The following EEF1AKMT1 variants were observed in gnomAD, a reference collection of about 807,000 sequenced individuals.
The protein encoded by EEF1AKMT1 is N-6 adenine-specific DNA methyltransferase 2 (putative).
EEF1AKMT1 carries 18 observed loss-of-function variants against 21.0 expected under a neutral mutation model. The observed-to-expected ratio is 0.86, with a 90% CI of 0.59 to 1.27. The LOEUF (loss-of-function observed/expected upper bound fraction) is 1.27, where lower values mean the gene tolerates loss of function less well. Ranked by LOEUF, EEF1AKMT1 falls within the 50% of genes most tolerant of loss-of-function variation. EEF1AKMT1 has a pLI of 0.00. For synonymous variants in EEF1AKMT1, 109 were observed against 94.8 expected, an observed-to-expected ratio of 1.15 and a Z score of -0.87; for missense variants, 246 against 258.6, an observed-to-expected ratio of 0.95 and a Z score of 0.33.
At chr13:20,733,075 T>C (rs1248357843) in intron 3 of EEF1AKMT1, among the ~76,000 whole-genome samples, 1 of 151,268 alleles carries the variant, frequency 6.6e-6, no homozygotes, top group Non-Finnish European at 1.5e-5. Flanking sequence ...TACGGAATTA[T>C]TGAGTTGACT....
chr13:20,752,151 C>T (rs1183405588), intron 2 of EEF1AKMT1, among the ~76,000 whole-genome samples: 2 of 151,694 alleles, frequency 1.3e-5, no homozygotes, highest in Non-Finnish European at 2.9e-5. Context: ...TTTTTGTTGC[C>T]CGATTGTCCT....
rs552224904 is a variant in EEF1AKMT1 at position 20,738,998 on chromosome 13, G to A, written c.145-1193C>T. Reference sequence around the variant, plus strand: ...CACGATGAGTGTGACAGTTCTTAAAGATAGTGTGCCCAGAGTTCCTTCCTT... The same window carrying A: ...CACGATGAGTGTGACAGTTCTTAAAAATAGTGTGCCCAGAGTTCCTTCCTT... On this transcript the variant is annotated intron_variant, in intron 2 of 4. Transcript: ENST00000382758. Among the ~76,000 whole-genome samples the A allele has an allele frequency of 8.1e-4, 124 of 152,326 alleles. 1 individual carries two copies. The highest frequency in any genetic ancestry group is 2.9e-3 in the African/African-American group (120 of 41,576).
At chr13:20,744,368 C>A (rs909629387) in intron 2 of EEF1AKMT1, among the ~76,000 whole-genome samples, 2 of 152,158 alleles carry the variant, frequency 1.3e-5, no homozygotes, top group Non-Finnish European at 2.9e-5. Context: ...TTTTAATAAT[C>A]ACCATTCTAA....
Position 20,729,124 on chromosome 13 carries a change from G to A in EEF1AKMT1, c.601C>T (p.Arg201Cys), listed in dbSNP as rs368022750. The stretch of plus-strand genomic sequence containing the variant: ...CCAGAATCATAATTCACATAACAGC[G>A]AAACTCATTTGCCAAGTTCCGGGTG... ...RHTRNLANEF[R>C]CYVNYDSGLD... The change falls in exon 5 of 5, where the codon CGC (arginine) becomes TGC (cysteine). Residue 201 changes from arginine (R) to cysteine (C), a missense_variant. By Grantham distance (180) the Arg-to-Cys change is radical. Transcript: ENST00000382758. The A allele has an allele frequency of 6.3e-5, 102 of 1,614,024 alleles. No individual in the cohort carries two copies. The highest frequency in any genetic ancestry group is 1.2e-4 in the Admixed American group (7 of 59,998).
intron 1 of EEF1AKMT1, among the ~76,000 whole-genome samples, chr13:20,769,780 A>G (rs1360481809): frequency 2.0e-5 from 3 of 152,142 alleles, no homozygotes; most frequent in Admixed American, 6.5e-5. Context: ...AGGAAAGTAC[A>G]GCCCATTCAA....
intron 1 of EEF1AKMT1, among the ~76,000 whole-genome samples, chr13:20,758,571 T>C (rs1005835811): frequency 6.6e-6 from 1 of 152,068 alleles, no homozygotes; most frequent in Non-Finnish European, 1.5e-5. Flanking sequence ...GAAAAACAGA[T>C]GGTCGACATA....
At chr13:20,752,155 T>C (rs895975637) in intron 2 of EEF1AKMT1, among the ~76,000 whole-genome samples, 3 of 152,184 alleles carry the variant, frequency 2.0e-5, no homozygotes, top group African/African-American at 7.2e-5. Context: ...TGTTGCCCGA[T>C]TGTCCTAGTT....
Position 20,728,789 on chromosome 13 carries a change from C to T in EEF1AKMT1, c.*291G>A. 1 of 397,762 alleles carries T rather than the reference C, an allele frequency of 2.5e-6. No individual in the cohort carries two copies. The highest frequency in any genetic ancestry group is 4.7e-6 in the Non-Finnish European group (1 of 213,784). The allele number at this position is 397,762 out of a possible 1,614,324, so 24.6% of individuals were successfully genotyped here. A position where few individuals can be genotyped will look rare whatever the true frequency, so the allele number is the denominator to read the frequency against. Reference sequence around the variant, plus strand: ...CATTCAGGAGCCCTTGGGCAAGCCACACAACTGTTCTTCTGTTTTTACACA... The same window carrying T: ...CATTCAGGAGCCCTTGGGCAAGCCATACAACTGTTCTTCTGTTTTTACACA... On this transcript the variant is annotated 3_prime_UTR_variant, in exon 5 of 5. Coordinates refer to ENST00000382758, the MANE Select transcript of EEF1AKMT1 (RefSeq NM_001318939.2).
intron 1 of EEF1AKMT1, among the ~76,000 whole-genome samples, chr13:20,759,317 C>T (rs1170529974): frequency 2.0e-5 from 3 of 152,178 alleles, no homozygotes; most frequent in East Asian, 3.8e-4. Flanking sequence ...CCGTGGCTCA[C>T]GCCTGTAATC....
At chr13:20,752,332 T>A (rs959213653) in intron 2 of EEF1AKMT1, among the ~76,000 whole-genome samples, 3 of 152,122 alleles carry the variant, frequency 2.0e-5, no homozygotes, top group Admixed American at 2.0e-4. Flanking sequence ...TTATGCCTAG[T>A]TTGTTGAGAG....
chr13:20,762,085 C>T (rs976853430), intron 1 of EEF1AKMT1, among the ~76,000 whole-genome samples: 6 of 151,732 alleles, frequency 4.0e-5, no homozygotes, highest in South Asian at 2.1e-4. Context: ...GGTAACAGAA[C>T]GAGAACCTTT....
intron 2 of EEF1AKMT1, among the ~76,000 whole-genome samples, chr13:20,748,735 T>G (rs1362545637): frequency 9.7e-5 from 13 of 134,192 alleles, no homozygotes; most frequent in Non-Finnish European, 1.8e-4. Flanking sequence ...GGTTTTTTTT[T>G]TTTTTTTTTT....
chr13:20,730,811 A>C (rs1257471658), intron 4 of EEF1AKMT1, among the ~76,000 whole-genome samples: 2 of 152,196 alleles, frequency 1.3e-5, no homozygotes, highest in Non-Finnish European at 2.9e-5. Flanking sequence ...CGAGGGAATA[A>C]AAGCTGGCCA....
At chr13:20,731,425 C>T (rs2058794999) in intron 4 of EEF1AKMT1, among the ~76,000 whole-genome samples, 2 of 152,184 alleles carry the variant, frequency 1.3e-5, no homozygotes, top group African/African-American at 2.4e-5. Flanking sequence ...AAAAGTATAA[C>T]GATCTCGCCA....
intron 1 of EEF1AKMT1, among the ~76,000 whole-genome samples, chr13:20,761,142 A>G (rs1463830791): frequency 6.6e-6 from 1 of 152,234 alleles, no homozygotes; most frequent in African/African-American, 2.4e-5. Context: ...ATATAATGAT[A>G]TCACGTGTAG....
At chr13:20,729,254 A>G (rs1595008178) in intron 4 of EEF1AKMT1, 38 bp from the exon 5 acceptor site, 1 of 1,612,558 alleles carries the variant, frequency 6.2e-7, no homozygotes, top group South Asian at 1.1e-5. Context: ...GAGAGTGACA[A>G]CCCAGCCGGA....
intron 2 of EEF1AKMT1, among the ~76,000 whole-genome samples, chr13:20,738,437 T>C (rs911326012): frequency 9.2e-5 from 14 of 152,332 alleles, no homozygotes; most frequent in African/African-American, 1.2e-4. Flanking sequence ...ATGGAAGAAG[T>C]AGCATGGTTT....
rs564152396 is a variant in EEF1AKMT1, at chr13:20,729,097, G to C, written c.628C>G (p.Leu210Val). The C allele has an allele frequency of 6.2e-7, 1 of 1,614,054 alleles. No individual in the cohort carries two copies. Among genetic ancestry groups the C allele is most frequent in the Non-Finnish European group, 8.5e-7 (1 of 1,180,048 alleles). ...GTCTGTAATCAGATCCCACAGTCCA[G>C]CCCAGAATCATAATTCACATAACAG... Reference protein sequence around the residue: ...FRCYVNYDSGLDCGI With the variant: ...FRCYVNYDSGVDCGI The change falls in exon 5 of 5, where the codon CTG (leucine) becomes GTG (valine). Residue 210 changes from leucine (L) to valine (V), a missense_variant. Leu to Val is a conservative substitution (Grantham distance 32). Coordinates refer to ENST00000382758, the MANE Select transcript of EEF1AKMT1 (RefSeq NM_001318939.2).
At chr13:20,760,446 C>G (rs1252643870) in intron 1 of EEF1AKMT1, among the ~76,000 whole-genome samples, 1 of 152,052 alleles carries the variant, frequency 6.6e-6, no homozygotes. Context: ...AACAGAAAAC[C>G]AAATACCACA....
Sources: allele counts gnomAD v4.1 joint callset (sites outside exome capture counted in the v4.1 genomes callset), GRCh38; gene constraint gnomAD v4.1.1; transcripts MANE v1.5; gene names NCBI Gene and HGNC (gene_info 2026-07-23, HGNC 2026-07-21).